RPS6KA2: variants seen among roughly 807,000 people sequenced by gnomAD.
The protein encoded by RPS6KA2 is ribosomal protein S6 kinase A2.
Under a neutral mutation model 91.8 loss-of-function variants are expected in RPS6KA2, and 42 were observed. The ratio of observed to expected loss-of-function variants is 0.46; its 90% CI spans 0.36 to 0.59. RPS6KA2 has a LOEUF of 0.59. Among genes scored for constraint, RPS6KA2 ranks in the 20% least tolerant of loss-of-function variants. The pLI, the probability that RPS6KA2 is intolerant of heterozygous loss-of-function variation, is 0.00. For missense variants in RPS6KA2, 798 were observed against 978.5 expected, an observed-to-expected ratio of 0.82 and a Z score of 2.46; for synonymous variants, 414 against 393.6, an observed-to-expected ratio of 1.05 and a Z score of -0.61.
chr6:166,555,485 C>T (rs1784150497), intron 1 of RPS6KA2, among the ~76,000 whole-genome samples: 1 of 152,180 alleles, frequency 6.6e-6, no homozygotes, highest in African/African-American at 2.4e-5. Flanking sequence ...CACGAAGTCA[C>T]CCTGTACTCT....
upstream of RPS6KA2, among the ~76,000 whole-genome samples, chr6:166,628,389 G>T (rs1786974135): frequency 6.6e-6 from 1 of 152,234 alleles, no homozygotes; most frequent in East Asian, 1.9e-4. Context: ...GAGCAGAAAC[G>T]AGTGCGGTGG....
At chr6:166,716,017 G>A (rs1268309697) in intron 2 of RPS6KA2, among the ~76,000 whole-genome samples, 1 of 130,280 alleles carries the variant, frequency 7.7e-6, no homozygotes, top group Admixed American at 8.7e-5. Flanking sequence ...CAGCCTGGCT[G>A]ACAGAGTGAG....
At chr6:166,466,982 A>G (rs997027250) in intron 11 of RPS6KA2, among the ~76,000 whole-genome samples, 1 of 150,684 alleles carries the variant, frequency 6.6e-6, no homozygotes, top group Non-Finnish European at 1.5e-5. Flanking sequence ...GCACTCCCTC[A>G]CTCATTAACT....
intron 1 of RPS6KA2, among the ~76,000 whole-genome samples, chr6:166,577,122 C>A (rs1222130388): frequency 6.6e-6 from 1 of 152,234 alleles, no homozygotes; most frequent in Non-Finnish European, 1.5e-5. Context: ...GGTTCTGAAA[C>A]CACCTAGATT....
At chr6:166,850,770 C>T (rs759289359) in intron 2 of RPS6KA2, among the ~76,000 whole-genome samples, 67 of 152,136 alleles carry the variant, frequency 4.4e-4, no homozygotes, top group African/African-American at 1.5e-3. Flanking sequence ...TGGGCTCCCC[C>T]ACATGTGGGT....
chr6:166,456,372 AG>A (rs755418744), intron 12 of RPS6KA2, among the ~76,000 whole-genome samples: 32 of 151,958 alleles, frequency 2.1e-4, no homozygotes, highest in Admixed American at 6.5e-5. Flanking sequence ...GTATTTAAGA[AG>A]AGCAAAATTG....
intron 2 of RPS6KA2, among the ~76,000 whole-genome samples, chr6:166,714,001 C>T (rs1036397696): frequency 3.3e-5 from 5 of 152,334 alleles, no homozygotes; most frequent in Non-Finnish European, 5.9e-5. Flanking sequence ...TCCCTGATCC[C>T]GCCTTTCCCT....
intron 7 of RPS6KA2, 125 bp from the exon 8 acceptor site, chr6:166,498,775 T>G: frequency 7.9e-7 from 1 of 1,258,664 alleles, no homozygotes; most frequent in Non-Finnish European, 1.1e-6. Flanking sequence ...AGCAGAGCCC[T>G]GCTCAGCAAA....
At chr6:166,451,896 C>T (rs1437271410) in intron 12 of RPS6KA2, among the ~76,000 whole-genome samples, 1 of 152,088 alleles carries the variant, frequency 6.6e-6, no homozygotes, top group Non-Finnish European at 1.5e-5. Context: ...TTAAGAAAAA[C>T]AAAAGGATAA....
chr6:166,693,479 C>T (rs139490718), intron 2 of RPS6KA2, among the ~76,000 whole-genome samples: 4 of 152,330 alleles, frequency 2.6e-5, no homozygotes, highest in South Asian at 2.1e-4. Context: ...CAGGGTCCTG[C>T]GCCTCCATCG....
At chr6:166,855,095 C>A (rs938561735) in intron 2 of RPS6KA2, among the ~76,000 whole-genome samples, 3 of 152,128 alleles carry the variant, frequency 2.0e-5, no homozygotes. Context: ...CTCAGAAATG[C>A]CGCATGTTCT....
In RPS6KA2 at chr6:166,410,587, G is replaced by A. The variant is rs936327835; in HGVS notation, c.*2175C>T. On this transcript the variant is annotated 3_prime_UTR_variant, in exon 21 of 21. Coordinates refer to ENST00000265678, the MANE Select transcript of RPS6KA2 (RefSeq NM_021135.6). ...AGAGCTCGCTGTGATGGGGAGTCTC[G>A]TCGGTCCCTTTGGCATTCTTAGAGT... 2.6e-5 allele frequency: 4 copies of A among 152,198 alleles called. No homozygotes were observed. The highest frequency in any genetic ancestry group is 5.9e-5 in the Non-Finnish European group (4 of 68,004). 9.4% of individuals were successfully genotyped at this position (152,198 alleles called of 1,614,324 possible).
chr6:166,583,301 G>C lies in RPS6KA2; in HGVS notation c.99+43620C>G, dbSNP rs116998054. Among the ~76,000 whole-genome samples the C allele has an allele frequency of 4.8e-3, 730 of 152,276 alleles. 3 individuals carry two copies. The highest frequency in any genetic ancestry group is 0.014 in the South Asian group (67 of 4,824). On this transcript the variant is annotated intron_variant, in intron 1 of 20. Coordinates refer to ENST00000265678, the MANE Select transcript of RPS6KA2 (RefSeq NM_021135.6). ...GGGTCTAGCACTCTGCACCCTGTAGGACTTGCACCAGAGATCACGGCCTTC... is the reference window on the plus strand; with the variant it reads ...GGGTCTAGCACTCTGCACCCTGTAGCACTTGCACCAGAGATCACGGCCTTC...
At chr6:166,498,744 G>T in intron 7 of RPS6KA2, 94 bp from the exon 8 acceptor site, 2 of 1,502,360 alleles carry the variant, frequency 1.3e-6, no homozygotes, top group Non-Finnish European at 1.8e-6. Flanking sequence ...TGTGGGCTCT[G>T]CCCCCTCTCC....
chr6:166,571,089 G>A lies in RPS6KA2; in HGVS notation c.100-32305C>T, dbSNP rs772127868. Among the ~76,000 whole-genome samples, 8 of 152,226 alleles carry A rather than the reference G, an allele frequency of 5.3e-5. No homozygotes were observed. In the East Asian group the frequency reaches 7.7e-4, roughly 15 times the overall value. The stretch of plus-strand genomic sequence containing the variant: ...TGAATCTGCACTGTCACAACAGTGC[G>A]GTGAGGACGCACCCCAGGACCGATG... On this transcript the variant is annotated intron_variant, in intron 1 of 20. Transcript: ENST00000265678.
intron 2 of RPS6KA2, among the ~76,000 whole-genome samples, chr6:166,538,120 C>T (rs1289384742): frequency 6.6e-6 from 1 of 152,194 alleles, no homozygotes; most frequent in Non-Finnish European, 1.5e-5. Flanking sequence ...CTATTTACTC[C>T]ATGGAACAAC....
chr6:166,538,796 C>CG lies in RPS6KA2; in HGVS notation c.100-13dup. On this transcript the variant is annotated splice_polypyrimidine_tract_variant and intron_variant, in intron 1 of 20. Transcript: ENST00000265678. Reference sequence around the variant, plus strand: ...ACGACGCCTTCTTCCTGCAAGAGAGCGGCACGGGTGAGAAACACACCGCGA... The same window carrying CG: ...ACGACGCCTTCTTCCTGCAAGAGAGCGGGCACGGGTGAGAAACACACCGCGA... The CG allele has an allele frequency of 6.9e-7, 1 of 1,456,486 alleles. No individual in the cohort carries two copies. Among genetic ancestry groups the CG allele is most frequent in the Non-Finnish European group, 9.6e-7 (1 of 1,037,670 alleles). 90.2% of individuals were successfully genotyped at this position (1,456,486 alleles called of 1,614,324 possible).
intron 10 of RPS6KA2, among the ~76,000 whole-genome samples, chr6:166,475,467 C>T (rs146452416): frequency 0.012 from 1,776 of 152,292 alleles, 42 homozygotes; most frequent in African/African-American, 0.041. Context: ...CTGCACGTGA[C>T]GTTTCTTGGG....
Position 166,685,075 on chromosome 6 carries a change from C to T in RPS6KA2, c.124-146291G>A, listed in dbSNP as rs147894331. On this transcript the variant is annotated intron_variant, in intron 2 of 21. Coordinates refer to the RPS6KA2 transcript ENST00000503859. The stretch of plus-strand genomic sequence containing the variant: ...AAGGGCCAACCGGCTTCCATGGAAG[C>T]ACCCCAACCTCGAAGTCCCCATCCA... 5.5e-4 allele frequency among the ~76,000 whole-genome samples: 84 copies of T among 152,376 alleles called. No individual in the cohort carries two copies. The East Asian group carries it at 0.015, about 28-fold the overall frequency.
Sources: gnomAD v4.1 joint callset for allele counts (sites outside exome capture counted in the v4.1 genomes callset) on GRCh38, gnomAD v4.1.1 for gene constraint, MANE v1.5 for transcripts, NCBI Gene and HGNC (gene_info 2026-07-23, HGNC 2026-07-21) for gene names.